MPHOSPH9: variants seen among roughly 807,000 people sequenced by gnomAD.
MPHOSPH9 encodes the protein M-phase phosphoprotein 9.
A neutral mutation model predicts 145.5 loss-of-function variants in MPHOSPH9; 88 were observed. That is an observed-to-expected ratio of 0.60 (90% CI 0.51 to 0.72). The LOEUF is 0.72. Ranked by LOEUF, MPHOSPH9 falls within the 30% of genes least tolerant of loss-of-function variation. The pLI, the probability that MPHOSPH9 is intolerant of heterozygous loss-of-function variation, is 0.00. For missense variants in MPHOSPH9, 1,238 were observed against 1,386.6 expected (o/e 0.89, Z 1.70); for synonymous variants, 435 against 486.2 (o/e 0.89, Z 1.39).
chr12:123,177,955 A>G (rs781179542), intron 15 of MPHOSPH9, among the ~76,000 whole-genome samples: 7 of 152,250 alleles, frequency 4.6e-5, no homozygotes, highest in Non-Finnish European at 1.0e-4. Flanking sequence ...CATGTTCAAA[A>G]TAAAAGCCTA....
intron 2 of MPHOSPH9, among the ~76,000 whole-genome samples, chr12:123,228,681 C>T (rs949980975): frequency 3.3e-5 from 5 of 150,594 alleles, no homozygotes; most frequent in African/African-American, 7.3e-5. Context: ...AGCAAGACTC[C>T]GTCAAAAAAA....
At chr12:123,230,938 T>G (rs1480564681) in intron 1 of MPHOSPH9, among the ~76,000 whole-genome samples, 2 of 152,154 alleles carry the variant, frequency 1.3e-5, no homozygotes, top group African/African-American at 4.8e-5. Context: ...ATGGAGTTTC[T>G]TTTTGGGGTG....
intron 2 of MPHOSPH9, among the ~76,000 whole-genome samples, chr12:123,228,115 G>A (rs544556022): frequency 6.6e-6 from 1 of 152,268 alleles, no homozygotes; most frequent in East Asian, 1.9e-4. Context: ...CAAATCAGCA[G>A]CAAATATTCA....
intron 16 of MPHOSPH9, among the ~76,000 whole-genome samples, chr12:123,175,472 C>T (rs559108374): frequency 1.8e-4 from 28 of 152,168 alleles, no homozygotes; most frequent in Admixed American, 3.9e-4. Flanking sequence ...CTCTTGATCA[C>T]GGCTTAGAAA....
At chr12:123,241,344 T>G (rs1461572716) in intron 1 of MPHOSPH9, among the ~76,000 whole-genome samples, 4 of 152,074 alleles carry the variant, frequency 2.6e-5, no homozygotes, top group Admixed American at 2.6e-4. Context: ...TTGTTGTTGT[T>G]TTTTGAGACA....
intron 21 of MPHOSPH9, among the ~76,000 whole-genome samples, chr12:123,161,819 A>C (rs1360135863): frequency 2.0e-5 from 3 of 152,216 alleles, no homozygotes; most frequent in Admixed American, 2.0e-4. Flanking sequence ...ATGAGAAAAA[A>C]AAAGTTACCC....
chr12:123,212,873 T>C (rs977385709), intron 7 of MPHOSPH9, among the ~76,000 whole-genome samples: 4 of 150,334 alleles, frequency 2.7e-5, no homozygotes, highest in Admixed American at 2.7e-4. Flanking sequence ...CTTTTTTTTT[T>C]TTTTGAGACA....
chr12:123,235,720 C>G (rs1593269804), upstream of MPHOSPH9, among the ~76,000 whole-genome samples: 1 of 151,650 alleles, frequency 6.6e-6, no homozygotes, highest in East Asian at 1.9e-4. Flanking sequence ...GATCAAACTT[C>G]TTGTTCTACT....
intron 13 of MPHOSPH9, among the ~76,000 whole-genome samples, chr12:123,189,502 G>T (rs1006870773): frequency 6.6e-6 from 1 of 152,140 alleles, no homozygotes; most frequent in African/African-American, 2.4e-5. Context: ...TGACAAACTG[G>T]CAAAAGGAAA....
intron 13 of MPHOSPH9, 75 bp from the exon 14 acceptor site, chr12:123,181,285 A>G: frequency 1.6e-6 from 2 of 1,252,438 alleles, no homozygotes; most frequent in South Asian, 1.2e-5. Flanking sequence ...AGTCTACAAA[A>G]TAACTGCCTA....
rs765657461 is a variant in MPHOSPH9, at chr12:123,221,765, C to T, written c.479G>A (p.Ser160Asn). The change falls in exon 5 of 24, where the codon AGT becomes AAT. Residue 160 changes from serine (S) to asparagine (N), a missense_variant. Ser to Asn is a conservative substitution (Grantham distance 46). Transcript: ENST00000606320. ...ESQMGFFSLS[S>N]ERNESVIHYP... is the part of the protein sequence containing the mutation. ...ATGGATAACAGATTCATTTCTCTCA[C>T]TGCTTAGAGAAAAAAAACCCATTTG... 42 of 1,613,902 alleles carry T rather than the reference C, an allele frequency of 2.6e-5. No individual in the cohort carries two copies. Among genetic ancestry groups the T allele is most frequent in the Non-Finnish European group, 3.5e-5 (41 of 1,180,012 alleles).
rs1205175734 is a variant in MPHOSPH9, at chr12:123,162,887, A to G, written c.3029+127T>C. 5 of 893,838 alleles carry G rather than the reference A, an allele frequency of 5.6e-6. No individual in the cohort carries two copies. The African/African-American group carries it at 8.9e-5, about 16-fold the overall frequency. 55.4% of individuals were successfully genotyped at this position (893,838 alleles called of 1,614,324 possible). On this transcript the variant is annotated intron_variant, in intron 20 of 23. Coordinates refer to ENST00000606320, the MANE Select transcript of MPHOSPH9 (RefSeq NM_022782.4). Reference sequence around the variant, plus strand: ...AGTTGTAGTATGACATTCACTTATGATTTAAATGAAATTCACAGAGTTCCC... The same window carrying G: ...AGTTGTAGTATGACATTCACTTATGGTTTAAATGAAATTCACAGAGTTCCC...
intron 8 of MPHOSPH9, among the ~76,000 whole-genome samples, chr12:123,204,165 G>A (rs368133571): frequency 6.6e-6 from 1 of 152,078 alleles, no homozygotes; most frequent in East Asian, 1.9e-4. Flanking sequence ...AGCCAGGCAT[G>A]GTGGCGCATG....
At position 123,221,773 on chromosome 12, in the gene MPHOSPH9, A is replaced by T; in HGVS notation, c.471T>A (p.Ser157=). The T allele has an allele frequency of 6.2e-7, 1 of 1,614,110 alleles. No homozygotes were observed. Among genetic ancestry groups the T allele is most frequent in the South Asian group, 1.1e-5 (1 of 91,056 alleles). Residue 157 remains serine (S), a synonymous_variant, in exon 5 of 24, where the codon TCT becomes TCA. Coordinates refer to ENST00000606320, the MANE Select transcript of MPHOSPH9 (RefSeq NM_022782.4). ...VSSESQMGFF[S]LSSERNESVI... ...CAGATTCATTTCTCTCACTGCTTAGAGAAAAAAAACCCATTTGACTTTCCG... is the reference window on the plus strand; with the variant it reads ...CAGATTCATTTCTCTCACTGCTTAGTGAAAAAAAACCCATTTGACTTTCCG...
At chr12:123,221,332 A>C in intron 5 of MPHOSPH9, 40 bp downstream of exon 5, 1 of 1,443,468 alleles carries the variant, frequency 6.9e-7, no homozygotes, top group South Asian at 1.4e-5. Context: ...TAGATTCTAA[A>C]TGTAATAAAC....
chr12:123,201,967 C>G (rs936313316), intron 11 of MPHOSPH9, among the ~76,000 whole-genome samples, 197 bp downstream of exon 11: 1 of 152,102 alleles, frequency 6.6e-6, no homozygotes, highest in South Asian at 2.1e-4. Flanking sequence ...CAGTATTTTG[C>G]CCATGTGAAA....
Position 123,183,635 on chromosome 12 carries a change from A to C in MPHOSPH9, c.2242-2425T>G, listed in dbSNP as rs572458995. ...ACAACCCCAAGTGCCTGAATCCAGA[A>C]ATGCTGATGAAAAGCAGGCTGATGT... On this transcript the variant is annotated intron_variant, in intron 13 of 23. Coordinates refer to ENST00000606320, the MANE Select transcript of MPHOSPH9 (RefSeq NM_022782.4). Among the ~76,000 whole-genome samples the C allele has an allele frequency of 4.6e-5, 7 of 152,194 alleles. No individual in the cohort carries two copies. The South Asian group carries it at 1.5e-3, about 32-fold the overall frequency.
intron 3 of MPHOSPH9, chr12:123,226,369 T>G (rs747951688): frequency 3.6e-5 from 41 of 1,135,958 alleles, no homozygotes; most frequent in Non-Finnish European, 4.6e-5. Flanking sequence ...ATAACACAAA[T>G]TATGCTTCTA....
chr12:123,192,222 G>T (rs1269594635), intron 13 of MPHOSPH9, among the ~76,000 whole-genome samples: 2 of 152,058 alleles, frequency 1.3e-5, no homozygotes, highest in Non-Finnish European at 2.9e-5. Flanking sequence ...GAGAGGCTGA[G>T]GCAGGAGGAA....
Sources: gnomAD v4.1 joint callset for allele counts (sites outside exome capture counted in the v4.1 genomes callset) on GRCh38, gnomAD v4.1.1 for gene constraint, MANE v1.5 for transcripts, NCBI Gene and HGNC (gene_info 2026-07-23, HGNC 2026-07-21) for gene names.